Variants in CDK14 observed in about 807,000 individuals in gnomAD.
CDK14 encodes cyclin dependent kinase 14.
A neutral mutation model predicts 60.7 loss-of-function variants in CDK14; 34 were observed. The ratio of observed to expected loss-of-function variants is 0.56; its 90% CI spans 0.43 to 0.75. The LOEUF (loss-of-function observed/expected upper bound fraction) is 0.75. Ranked by LOEUF, CDK14 falls within the 30% of genes least tolerant of loss-of-function variation. The pLI is 0.00. For synonymous variants in CDK14, 197 were observed against 203.7 expected (o/e 0.97, Z 0.28); for missense variants, 482 against 564.1 (o/e 0.85, Z 1.47).
intron 4 of CDK14, among the ~76,000 whole-genome samples, chr7:90,774,375 G>A (rs946457538): frequency 3.9e-5 from 6 of 152,036 alleles, no homozygotes; most frequent in Admixed American, 3.3e-4. Flanking sequence ...CTTGATAATG[G>A]TCTTGCCTAT....
At position 90,715,657 on chromosome 7, in the gene CDK14, C is replaced by CTT. The variant is rs34981055; in HGVS notation, c.124-10892_124-10891dup. ...AAAGTTTTTATTTGCAGGAATAGACCTTTTTTTTTTTTTTTTTTTCTAGAG... is the reference window on the plus strand; with the variant it reads ...AAAGTTTTTATTTGCAGGAATAGACCTTTTTTTTTTTTTTTTTTTTTCTAGAG... On this transcript the variant is annotated intron_variant, in intron 2 of 14. Transcript: ENST00000380050. Among the ~76,000 whole-genome samples, 80 of 124,960 alleles carry CTT rather than the reference C, an allele frequency of 6.4e-4. 1 individual carries two copies. Among genetic ancestry groups the CTT allele is most frequent in the South Asian group, 1.6e-3 (6 of 3,850 alleles). The allele number at this position is 124,960 out of a possible 152,430, so 82.0% of individuals were successfully genotyped here.
chr7:90,840,559 C>T (rs1195643420), intron 5 of CDK14, among the ~76,000 whole-genome samples: 1 of 152,130 alleles, frequency 6.6e-6, no homozygotes, highest in Admixed American at 6.6e-5. Flanking sequence ...TGATCTTTCC[C>T]ATCCCTTCCT....
chr7:91,092,220 C>T (rs1798852578), intron 12 of CDK14, among the ~76,000 whole-genome samples: 1 of 152,106 alleles, frequency 6.6e-6, no homozygotes, highest in Non-Finnish European at 1.5e-5. Context: ...GAATAAAGGA[C>T]TGTGAAACAA....
intron 11 of CDK14, among the ~76,000 whole-genome samples, chr7:91,063,316 A>G (rs1797865530): frequency 6.6e-6 from 1 of 152,194 alleles, no homozygotes; most frequent in Non-Finnish European, 1.5e-5. Context: ...CGTTTCCAAT[A>G]CTTAAGATGG....
chr7:91,160,331 G>C (rs1465104698), intron 14 of CDK14, among the ~76,000 whole-genome samples: 2 of 152,140 alleles, frequency 1.3e-5, no homozygotes, highest in Non-Finnish European at 2.9e-5. Context: ...AGGCCCCTGA[G>C]AGCATAAGTA....
chr7:90,619,811 C>A (rs1292626715), intron 2 of CDK14, among the ~76,000 whole-genome samples: 1 of 152,166 alleles, frequency 6.6e-6, no homozygotes, highest in African/African-American at 2.4e-5. Flanking sequence ...GCCTGGCCAA[C>A]ATGGCAAAAC....
chr7:90,810,409 C>G (rs1189133473), intron 5 of CDK14, among the ~76,000 whole-genome samples: 1 of 152,150 alleles, frequency 6.6e-6, no homozygotes, highest in Admixed American at 6.5e-5. Context: ...AGACCTTTGA[C>G]AAAATTCAAC....
At chr7:91,047,129 C>T (rs1034152269) in intron 11 of CDK14, among the ~76,000 whole-genome samples, 5 of 152,142 alleles carry the variant, frequency 3.3e-5, no homozygotes, top group Non-Finnish European at 7.4e-5. Context: ...AACTGATCCA[C>T]GTGTTCTTAA....
At chr7:90,834,123 T>A (rs17474510) in intron 5 of CDK14, among the ~76,000 whole-genome samples, 20,976 of 152,184 alleles carry the variant, frequency 0.14, 1,694 homozygotes, top group Middle Eastern at 0.24. Context: ...CTTCTGAAAC[T>A]TTATTGTAAG....
intron 4 of CDK14, among the ~76,000 whole-genome samples, chr7:90,777,899 A>G (rs906254033): frequency 2.6e-5 from 4 of 152,184 alleles, no homozygotes; most frequent in Non-Finnish European, 5.9e-5. Flanking sequence ...TGCAAGTATC[A>G]TGTTTCTTAA....
At chr7:90,917,478 G>A in intron 7 of CDK14, 123 bp from the exon 8 acceptor site, 2 of 751,844 alleles carry the variant, frequency 2.7e-6, no homozygotes, top group Admixed American at 2.6e-5. Flanking sequence ...AAATAATTTG[G>A]TAGAAAATTT....
intron 12 of CDK14, among the ~76,000 whole-genome samples, chr7:91,101,818 C>G (rs536894295): frequency 6.6e-6 from 1 of 152,214 alleles, no homozygotes; most frequent in East Asian, 1.9e-4. Context: ...TTTCTGACCC[C>G]TCCTTGCAAA....
At chr7:90,874,431 A>G (rs1791479472) in intron 6 of CDK14, among the ~76,000 whole-genome samples, 1 of 151,372 alleles carries the variant, frequency 6.6e-6, no homozygotes, top group Non-Finnish European at 1.5e-5. Flanking sequence ...GATAAAGTGA[A>G]AAAGAAACCA....
intron 6 of CDK14, among the ~76,000 whole-genome samples, chr7:90,878,091 T>TGAGA (rs1293057502): frequency 2.0e-5 from 3 of 151,274 alleles, no homozygotes; most frequent in Admixed American, 1.3e-4. Context: ...TGTGTGTGTG[T>TGAGA]GTGAGAGAGA....
chr7:91,061,556 G>A (rs139277031), intron 11 of CDK14, among the ~76,000 whole-genome samples: 10 of 152,182 alleles, frequency 6.6e-5, no homozygotes, highest in East Asian at 3.9e-4. Context: ...CTTTGATGAC[G>A]ATGACGTACA....
chr7:90,687,135 G>A (rs772960992), intron 2 of CDK14, among the ~76,000 whole-genome samples: 30 of 151,996 alleles, frequency 2.0e-4, no homozygotes, highest in Non-Finnish European at 3.2e-4. Context: ...GAACAGAGGG[G>A]TAATTTATTC....
Position 90,955,789 on chromosome 7 carries a change from A to G in CDK14, c.919A>G (p.Thr307Ala), listed in dbSNP as rs1794391848. The G allele has an allele frequency of 6.2e-7, 1 of 1,613,268 alleles. No homozygotes were observed. ...YRPPDVLLGS[T>A]EYSTCLDMWG... ...ACCTCCAGATGTCCTTCTAGGCTCAACAGAATATTCCACCTGCCTTGACAT... is the reference window on the plus strand; with the variant it reads ...ACCTCCAGATGTCCTTCTAGGCTCAGCAGAATATTCCACCTGCCTTGACAT... Residue 307 changes from threonine to alanine, a missense_variant, in exon 9 of 15, where the codon ACA becomes GCA. By Grantham distance (58) the Thr-to-Ala change is moderately conservative (BLOSUM62 0). Coordinates refer to ENST00000380050, the MANE Select transcript of CDK14 (RefSeq NM_001287135.2).
chr7:90,882,363 G>A (rs1791789466), intron 6 of CDK14, among the ~76,000 whole-genome samples: 1 of 151,934 alleles, frequency 6.6e-6, no homozygotes, highest in Non-Finnish European at 1.5e-5. Context: ...TTACACAATG[G>A]TAAAGGGAAC....
intron 5 of CDK14, among the ~76,000 whole-genome samples, chr7:90,851,204 T>A (rs1160470553): frequency 6.6e-6 from 1 of 152,172 alleles, no homozygotes; most frequent in African/African-American, 2.4e-5. Flanking sequence ...AATGGTCAAA[T>A]AAAGGGTTGG....
Sources: gnomAD v4.1 joint callset for allele counts (sites outside exome capture counted in the v4.1 genomes callset) on GRCh38, gnomAD v4.1.1 for gene constraint, MANE v1.5 for transcripts, NCBI Gene and HGNC (gene_info 2026-07-23, HGNC 2026-07-21) for gene names.